The following HTR1F variants were observed in gnomAD, a reference collection of about 807,000 sequenced individuals.
HTR1F encodes the protein 5-hydroxytryptamine (serotonin) receptor 1F, G protein-coupled.
In HTR1F, 17 loss-of-function variants were observed where a neutral mutation model predicts 24.0. The observed-to-expected ratio is 0.71, with a 90% CI of 0.48 to 1.06. The LOEUF (loss-of-function observed/expected upper bound fraction) is 1.06, where lower values mean the gene tolerates loss of function less well. HTR1F is among the 50% of genes least tolerant of loss of function. HTR1F has a pLI of 0.00. For missense variants in HTR1F, 391 were observed against 427.8 expected (o/e 0.91, Z 0.76); for synonymous variants, 186 against 156.8 (o/e 1.19, Z -1.39).
At chr3:87,939,393 T>C (rs2107434191) in intron 2 of HTR1F, among the ~76,000 whole-genome samples, 1 of 152,364 alleles carries the variant, frequency 6.6e-6, no homozygotes, top group East Asian at 1.9e-4. Flanking sequence ...CCTCATAAAA[T>C]GAGTTAGGGA....
intron 2 of HTR1F, among the ~76,000 whole-genome samples, chr3:87,918,818 C>A (rs529836369): frequency 6.6e-6 from 1 of 152,126 alleles, no homozygotes; most frequent in African/African-American, 2.4e-5. Context: ...TCTACAAATT[C>A]AATGCAGTCT....
chr3:87,827,630 T>A lies in HTR1F; in HGVS notation c.-43+5506T>A, dbSNP rs368801642. 2.0e-5 allele frequency among the ~76,000 whole-genome samples: 3 copies of A among 152,304 alleles called. No homozygotes were observed. The East Asian group carries it at 5.8e-4, about 29-fold the overall frequency. On this transcript the variant is annotated intron_variant, in intron 2 of 2. Transcript: ENST00000319595. Reference sequence around the variant, plus strand: ...TTTAAAAAATCCTTTGAAAAATTAATCATATTTTTCCAGTTTTGTAAATAA... The same window carrying A: ...TTTAAAAAATCCTTTGAAAAATTAAACATATTTTTCCAGTTTTGTAAATAA...
chr3:87,964,423 C>A (rs1369079212), intron 2 of HTR1F, among the ~76,000 whole-genome samples: 1 of 151,960 alleles, frequency 6.6e-6, no homozygotes, highest in African/African-American at 2.4e-5. Flanking sequence ...TTGGAGTAAT[C>A]GCTCCTTTTT....
intron 1 of HTR1F, among the ~76,000 whole-genome samples, chr3:87,812,029 G>A (rs780419053): frequency 1.2e-4 from 19 of 152,208 alleles, no homozygotes; most frequent in Admixed American, 3.9e-4. Context: ...ATGATTGTGC[G>A]TTTCCTGAGG....
intron 2 of HTR1F, among the ~76,000 whole-genome samples, chr3:87,890,087 TA>T (rs1436445549): frequency 6.6e-6 from 1 of 152,220 alleles, no homozygotes; most frequent in African/African-American, 2.4e-5. Context: ...ACCCAGGTAA[TA>T]TAAGGTAAAT....
chr3:87,835,458 A>T (rs539821238), intron 2 of HTR1F, among the ~76,000 whole-genome samples: 3 of 152,244 alleles, frequency 2.0e-5, no homozygotes, highest in Non-Finnish European at 2.9e-5. Flanking sequence ...CCAGATTACA[A>T]CATAATGAAA....
At chr3:87,820,240 G>GCA in intron 1 of HTR1F, among the ~76,000 whole-genome samples, 1 of 148,246 alleles carries the variant, frequency 6.7e-6, no homozygotes, top group African/African-American at 2.5e-5. Context: ...GCAGTGGCAG[G>GCA]ATCTCGGCTC....
chr3:87,942,894 AT>A (rs1217993573), intron 2 of HTR1F, among the ~76,000 whole-genome samples: 1 of 152,164 alleles, frequency 6.6e-6, no homozygotes, highest in Admixed American at 6.5e-5. Flanking sequence ...TGACTGAGTG[AT>A]AAACTTATCC....
chr3:87,973,154 A>G (rs1011112649), intron 2 of HTR1F, among the ~76,000 whole-genome samples: 4 of 152,012 alleles, frequency 2.6e-5, no homozygotes, highest in Admixed American at 1.3e-4. Context: ...CTGGGTGACA[A>G]GAGCAAAACT....
In HTR1F at chr3:87,983,007, G is replaced by A. The variant is rs116341990; in HGVS notation, c.-42-7701G>A. Among the ~76,000 whole-genome samples, 751 of 152,248 alleles carry A rather than the reference G, an allele frequency of 4.9e-3. 9 individuals carry two copies. The highest frequency in any genetic ancestry group is 0.017 in the African/African-American group (702 of 41,526). ...TTAGATGAGATCTGGGGGAGCTTGG[G>A]GAGCACGTGAATATATTTTGCTTAT... On this transcript the variant is annotated intron_variant, in intron 2 of 2. Coordinates refer to ENST00000319595, the MANE Select transcript of HTR1F (RefSeq NM_001322209.2).
chr3:87,838,657 A>G (rs1704733002), intron 2 of HTR1F, among the ~76,000 whole-genome samples: 1 of 152,122 alleles, frequency 6.6e-6, no homozygotes. Flanking sequence ...CCACTCAATA[A>G]TGGACTGAAA....
chr3:87,793,500 T>C (rs1167888448), intron 1 of HTR1F: 1 of 151,950 alleles, frequency 6.6e-6, no homozygotes, highest in African/African-American at 2.4e-5. Context: ...AAGGTAGGGT[T>C]GTTGGCGCCT....
intron 2 of HTR1F, among the ~76,000 whole-genome samples, chr3:87,987,129 T>TA (rs368476039): frequency 4.0e-5 from 1 of 25,204 alleles, no homozygotes; most frequent in Non-Finnish European, 9.7e-5. Context: ...AAAAATAAAA[T>TA]AAAATAAAAT....
intron 2 of HTR1F, among the ~76,000 whole-genome samples, chr3:87,876,610 C>T (rs2107269640): frequency 1.3e-5 from 2 of 152,178 alleles, no homozygotes; most frequent in East Asian, 3.9e-4. Context: ...CATGGTTCCA[C>T]TTATAGGCGT....
chr3:87,893,614 C>A (rs368044233), intron 2 of HTR1F, among the ~76,000 whole-genome samples: 38 of 152,304 alleles, frequency 2.5e-4, no homozygotes, highest in African/African-American at 8.9e-4. Flanking sequence ...AGTGTTTAAG[C>A]GCAATGGCCT....
intron 2 of HTR1F, among the ~76,000 whole-genome samples, chr3:87,849,508 T>C (rs569784142): frequency 6.6e-6 from 1 of 151,686 alleles, no homozygotes; most frequent in African/African-American, 2.4e-5. Context: ...AAAAACCCTA[T>C]AAGAAAATCT....
At chr3:87,868,618 T>G (rs1422108768) in intron 2 of HTR1F, among the ~76,000 whole-genome samples, 1 of 151,748 alleles carries the variant, frequency 6.6e-6, no homozygotes. Flanking sequence ...AAAATATATA[T>G]TTTAGATAAG....
At chr3:87,861,548 G>C (rs1031400387) in intron 2 of HTR1F, among the ~76,000 whole-genome samples, 2 of 152,004 alleles carry the variant, frequency 1.3e-5, no homozygotes, top group Non-Finnish European at 2.9e-5. Flanking sequence ...TACCAGAATA[G>C]ACACACAAGC....
intron 2 of HTR1F, among the ~76,000 whole-genome samples, chr3:87,890,506 A>G (rs139435227): frequency 6.6e-4 from 100 of 150,854 alleles, no homozygotes; most frequent in African/African-American, 2.3e-3. Context: ...GTAAGTAACT[A>G]TCCTCTCCAG....
Sources: allele counts gnomAD v4.1 joint callset (sites outside exome capture counted in the v4.1 genomes callset), GRCh38; gene constraint gnomAD v4.1.1; transcripts MANE v1.5; gene names NCBI Gene and HGNC (gene_info 2026-07-23, HGNC 2026-07-21).